TMTC1: variants seen among roughly 807,000 people sequenced by gnomAD.
TMTC1 encodes the protein transmembrane O-mannosyltransferase targeting cadherins 1, also known as protein O-mannosyl-transferase TMTC1.
TMTC1 carries 73 observed loss-of-function variants against 104.8 expected under a neutral mutation model. The observed-to-expected ratio is 0.70, with a 90% CI of 0.58 to 0.85. The LOEUF is 0.85. TMTC1 is among the 40% of genes least tolerant of loss of function. TMTC1 has a pLI of 0.00. For missense variants in TMTC1, 1,035 were observed against 1,096.1 expected, an observed-to-expected ratio of 0.94 and a Z score of 0.79; for synonymous variants, 434 against 428.7, an observed-to-expected ratio of 1.01 and a Z score of -0.15.
chr12:29,621,035 G>C (rs1937646337), intron 6 of TMTC1, among the ~76,000 whole-genome samples: 1 of 152,290 alleles, frequency 6.6e-6, no homozygotes, highest in South Asian at 2.1e-4. Context: ...AGAAAGATTG[G>C]ATCTATAATA....
At chr12:29,684,714 A>C (rs1717909744) in intron 5 of TMTC1, among the ~76,000 whole-genome samples, 1 of 152,188 alleles carries the variant, frequency 6.6e-6, no homozygotes, top group Non-Finnish European at 1.5e-5. Context: ...TGCTACTATG[A>C]GCTGTAGCTG....
intron 5 of TMTC1, among the ~76,000 whole-genome samples, chr12:29,685,532 T>C (rs1370781315): frequency 6.6e-6 from 1 of 152,072 alleles, no homozygotes; most frequent in Admixed American, 6.5e-5. Flanking sequence ...TCATTCTATA[T>C]ACCTATGGTT....
At chr12:29,729,437 A>AG (rs1942488699) in intron 5 of TMTC1, among the ~76,000 whole-genome samples, 1 of 152,050 alleles carries the variant, frequency 6.6e-6, no homozygotes, top group Admixed American at 6.6e-5. Context: ...TTCATGCACG[A>AG]GGGGGAACCT....
chr12:29,631,416 C>T (rs1938290775), intron 6 of TMTC1, among the ~76,000 whole-genome samples: 1 of 152,140 alleles, frequency 6.6e-6, no homozygotes, highest in East Asian at 1.9e-4. Flanking sequence ...GAATTAATTT[C>T]TGTATACTGT....
At chr12:29,515,023 A>ATAC (rs1282071436) in intron 15 of TMTC1, among the ~76,000 whole-genome samples, 1 of 152,072 alleles carries the variant, frequency 6.6e-6, no homozygotes, top group Non-Finnish European at 1.5e-5. Flanking sequence ...TCAAATATAT[A>ATAC]TACATTCTTC....
At chr12:29,509,905 T>C (rs939946781) in intron 17 of TMTC1, among the ~76,000 whole-genome samples, 1 of 152,242 alleles carries the variant, frequency 6.6e-6, no homozygotes, top group African/African-American at 2.4e-5. Flanking sequence ...GCAGTAGACA[T>C]ACTATTTTCT....
chr12:29,522,850 A>G (rs1944218715), intron 11 of TMTC1, among the ~76,000 whole-genome samples: 1 of 152,158 alleles, frequency 6.6e-6, no homozygotes, highest in Admixed American at 6.6e-5. Flanking sequence ...AATCATACTT[A>G]TCTTATAGGG....
rs1944122767 is a variant in TMTC1, at chr12:29,520,613, C to T, written c.1888+5G>A. On this transcript the variant is annotated splice_donor_5th_base_variant and intron_variant, in intron 12 of 17. Coordinates refer to ENST00000539277, the MANE Select transcript of TMTC1 (RefSeq NM_001193451.2). ...GCAGTACAGTTTCTCTTTAATTTCACTTACCAGTATCAACTAAGAAAACCC... is the reference window on the plus strand; with the variant it reads ...GCAGTACAGTTTCTCTTTAATTTCATTTACCAGTATCAACTAAGAAAACCC... The T allele has an allele frequency of 1.9e-6, 3 of 1,604,902 alleles. No homozygotes were observed. In the African/African-American group the frequency reaches 4.0e-5, roughly 22 times the overall value.
intron 7 of TMTC1, among the ~76,000 whole-genome samples, chr12:29,596,935 C>T (rs1946419180): frequency 6.6e-6 from 1 of 152,230 alleles, no homozygotes; most frequent in Non-Finnish European, 1.5e-5. Flanking sequence ...CAGCACCACT[C>T]ACCCTCTGGG....
intron 8 of TMTC1, among the ~76,000 whole-genome samples, chr12:29,574,858 C>T (rs1302386255): frequency 2.0e-5 from 3 of 152,162 alleles, no homozygotes; most frequent in African/African-American, 7.2e-5. Flanking sequence ...AACATTCAGT[C>T]CTTATCAATC....
At chr12:29,671,737 A>G (rs1267322126) in intron 5 of TMTC1, among the ~76,000 whole-genome samples, 1 of 152,212 alleles carries the variant, frequency 6.6e-6, no homozygotes, top group East Asian at 1.9e-4. Flanking sequence ...GCTACACCAT[A>G]GGGCCCTTTT....
intron 11 of TMTC1, chr12:29,534,426 C>G (rs1373657083): frequency 6.6e-6 from 1 of 152,190 alleles, no homozygotes; most frequent in East Asian, 1.9e-4. Context: ...AAAGATGGGA[C>G]CTTTGTGTGT....
chr12:29,597,341 C>T (rs1444391060), intron 7 of TMTC1, among the ~76,000 whole-genome samples: 2 of 149,792 alleles, frequency 1.3e-5, no homozygotes, highest in Non-Finnish European at 2.9e-5. Context: ...TCCCAAAATG[C>T]TAAGATGACA....
At chr12:29,629,759 T>C in intron 6 of TMTC1, among the ~76,000 whole-genome samples, 1 of 152,236 alleles carries the variant, frequency 6.6e-6, no homozygotes, top group East Asian at 1.9e-4. Flanking sequence ...GGCAGTTGTA[T>C]AACACTGTAA....
chr12:29,671,735 A>C lies in TMTC1; in HGVS notation c.939-38399T>G, dbSNP rs1039541120. 3.3e-5 allele frequency among the ~76,000 whole-genome samples: 5 copies of C among 152,352 alleles called. No homozygotes were observed. The South Asian group carries it at 1.0e-3, about 32-fold the overall frequency. ...CTGAGTTCACACTCAATGCTACACC[A>C]TAGGGCCCTTTTTACACTTGCTGCA... On this transcript the variant is annotated intron_variant, in intron 5 of 17. Transcript: ENST00000539277.
rs1009870461 is a variant in TMTC1 at position 29,552,548 on chromosome 12, G to A, written c.1676+4309C>T. Among the ~76,000 whole-genome samples the A allele has an allele frequency of 3.3e-5, 5 of 152,118 alleles. No individual in the cohort carries two copies. The East Asian group carries it at 5.8e-4, about 18-fold the overall frequency. On this transcript the variant is annotated intron_variant, in intron 10 of 17. Transcript: ENST00000539277. Reference sequence around the variant, plus strand: ...GGGCCACAAGGAGGCAGTAGAGTGCGGTGGTTAGGGGCAGAAGGGCTAGAG... The same window carrying A: ...GGGCCACAAGGAGGCAGTAGAGTGCAGTGGTTAGGGGCAGAAGGGCTAGAG...
intron 9 of TMTC1, among the ~76,000 whole-genome samples, chr12:29,566,852 C>T (rs1055901827): frequency 1.1e-4 from 17 of 152,180 alleles, no homozygotes; most frequent in Admixed American, 9.8e-4. Context: ...CTAAACCTGC[C>T]ATATTTACTT....
intron 10 of TMTC1, among the ~76,000 whole-genome samples, chr12:29,544,254 A>T (rs532323480): frequency 1.3e-5 from 2 of 152,154 alleles, no homozygotes; most frequent in South Asian, 4.2e-4. Context: ...AAAAAAAAAA[A>T]AAAAGTCAAT....
At chr12:29,763,793 TAGGA>T (rs1943404755) in intron 2 of TMTC1, among the ~76,000 whole-genome samples, 1 of 152,270 alleles carries the variant, frequency 6.6e-6, no homozygotes. Flanking sequence ...AGCCTAGGCC[TAGGA>T]AGGAACAAAA....
Sources: gnomAD v4.1 joint callset for allele counts (sites outside exome capture counted in the v4.1 genomes callset) on GRCh38, gnomAD v4.1.1 for gene constraint, MANE v1.5 for transcripts, NCBI Gene and HGNC (gene_info 2026-07-23, HGNC 2026-07-21) for gene names.